The following NEMF variants were observed in gnomAD, a reference collection of about 807,000 sequenced individuals.
The protein encoded by NEMF is nuclear export mediator factor, also known as ribosome quality control complex subunit NEMF.
In NEMF, 89 loss-of-function variants were observed where a neutral mutation model predicts 162.2. The ratio of observed to expected loss-of-function variants is 0.55; its 90% confidence interval spans 0.46 to 0.65. NEMF has a LOEUF of 0.65. NEMF is among the 30% of genes least tolerant of loss of function. The probability of loss-of-function intolerance (pLI) is 0.00; values close to 1 mark genes in which losing one functional copy is unlikely to be tolerated. For synonymous variants in NEMF, 421 were observed against 404.5 expected (o/e 1.04, Z -0.49); for missense variants, 1,133 against 1,261.9 (o/e 0.90, Z 1.55).
chr14:49,816,320 T>C (rs535670802), intron 16 of NEMF, among the ~76,000 whole-genome samples: 2 of 152,340 alleles, frequency 1.3e-5, no homozygotes, highest in Non-Finnish European at 2.9e-5. Context: ...CTTGTGATCT[T>C]TGCTTTTGCC....
At position 49,828,786 on chromosome 14, in the gene NEMF, C is replaced by T; in HGVS notation, c.1254G>A (p.Glu418=). The T allele has an allele frequency of 6.5e-7, 1 of 1,549,144 alleles. No homozygotes were observed. The highest frequency in any genetic ancestry group is 1.2e-5 in the South Asian group (1 of 82,698). The change falls in exon 14 of 33, where the codon GAG becomes GAA. Residue 418 remains glutamate, a synonymous_variant. Coordinates refer to ENST00000298310, the MANE Select transcript of NEMF (RefSeq NM_004713.6). ...MLLRNPYLLS[E]EEDDDVDGDV... is the part of the protein sequence containing the mutation. ...CACCATCAACATCATCATCTTCCTC[C>T]TCTGATAACAAGTATGGATTTCTAT...
At chr14:49,831,912 T>C in intron 10 of NEMF, 139 bp downstream of exon 10, 1 of 603,398 alleles carries the variant, frequency 1.7e-6, no homozygotes, top group Non-Finnish European at 2.9e-6. Flanking sequence ...GCTGTATCTG[T>C]GACGACACTG....
chr14:49,792,790 C>T (rs1027117166), intron 26 of NEMF, among the ~76,000 whole-genome samples: 2 of 151,936 alleles, frequency 1.3e-5, no homozygotes, highest in Non-Finnish European at 2.9e-5. Context: ...CCAGCCTGGG[C>T]AAATAGGAAG....
At chr14:49,842,510 C>T (rs555694075) in intron 4 of NEMF, among the ~76,000 whole-genome samples, 6 of 152,252 alleles carry the variant, frequency 3.9e-5, no homozygotes, top group African/African-American at 1.4e-4. Context: ...AGTTACTCTA[C>T]AGGTATAATT....
intron 22 of NEMF, 111 bp downstream of exon 22, chr14:49,802,342 G>T (rs1214213587): frequency 9.5e-6 from 12 of 1,264,908 alleles, no homozygotes; most frequent in East Asian, 2.4e-5. Context: ...GGTTTTCGGG[G>T]TTTTTTTGAA....
chr14:49,842,822 C>A (rs535379408), intron 4 of NEMF, among the ~76,000 whole-genome samples: 1 of 152,048 alleles, frequency 6.6e-6, no homozygotes, highest in Non-Finnish European at 1.5e-5. Context: ...GACTGGCCAA[C>A]ATGGTGAATC....
intron 32 of NEMF, 36 bp downstream of exon 32, chr14:49,784,889 C>CA (rs1425265682): frequency 6.5e-7 from 1 of 1,545,192 alleles, no homozygotes; most frequent in Non-Finnish European, 8.9e-7. Context: ...ATTGTACTGT[C>CA]AGTCTCCACA....
chr14:49,818,781 C>T lies in NEMF; in HGVS notation c.1578-3924G>A, dbSNP rs75462084. Among the ~76,000 whole-genome samples the T allele has an allele frequency of 4.7e-3, 708 of 152,074 alleles. 3 individuals are homozygous for T. Among genetic ancestry groups the T allele is most frequent in the African/African-American group, 0.016 (677 of 41,496 alleles). ...CAGCCTATTATTTCCACTGGGCTCC[C>T]CAAATGCTGCAGCAGCCAGGTCTTC... On this transcript the variant is annotated intron_variant, in intron 16 of 32. Coordinates refer to ENST00000298310, the MANE Select transcript of NEMF (RefSeq NM_004713.6).
chr14:49,795,005 A>C (rs1251109854), intron 26 of NEMF, among the ~76,000 whole-genome samples: 1 of 152,014 alleles, frequency 6.6e-6, no homozygotes, highest in Non-Finnish European at 1.5e-5. Context: ...CGCATGAGCC[A>C]CTGTGCCTGG....
At chr14:49,810,642 G>A (rs1018577824) in intron 18 of NEMF, among the ~76,000 whole-genome samples, 4 of 151,992 alleles carry the variant, frequency 2.6e-5, no homozygotes, top group Non-Finnish European at 5.9e-5. Context: ...GAGTCTCCTT[G>A]CATTACCACA....
chr14:49,852,491 A>C (rs142635509), intron 1 of NEMF, among the ~76,000 whole-genome samples: 1,829 of 152,320 alleles, frequency 0.012, 17 homozygotes, highest in South Asian at 0.018. Context: ...GACGCGGGGG[A>C]TGGGGCACGA....
intron 14 of NEMF, 120 bp downstream of exon 14, chr14:49,828,496 T>C: frequency 3.0e-6 from 3 of 1,007,572 alleles, no homozygotes; most frequent in Non-Finnish European, 4.4e-6. Context: ...TTTAAAAAAG[T>C]ATTTTCACCC....
At chr14:49,811,265 G>A (rs1323890780) in intron 18 of NEMF, among the ~76,000 whole-genome samples, 1 of 152,132 alleles carries the variant, frequency 6.6e-6, no homozygotes, top group Non-Finnish European at 1.5e-5. Context: ...CACTGGTAGT[G>A]TACAGAAATA....
In NEMF at chr14:49,800,460, G is replaced by C; in HGVS notation, c.2332C>G (p.Pro778Ala). The change falls in exon 23 of 33, where the codon CCT becomes GCT. Residue 778 changes from proline to alanine, a missense_variant. Physicochemically the swap from Pro to Ala is conservative, Grantham distance 27. This residue lies in a region of NEMF where 532 missense variants were observed against 578.6 expected (regional missense o/e 0.92). Transcript: ENST00000298310. ...KDEGEETLNYPDTTIDLSHLQ... is the reference protein window; with the variant it reads ...KDEGEETLNYADTTIDLSHLQ... ...TGAGACAAGTCAATGGTAGTATCAG[G>C]ATAATTTAATGTCTCTTCCCCTTCA... 1 of 1,613,720 alleles carries C rather than the reference G, an allele frequency of 6.2e-7. No individual in the cohort carries two copies. The highest frequency in any genetic ancestry group is 8.5e-7 in the Non-Finnish European group (1 of 1,179,746).
At chr14:49,849,906 A>G (rs1282127833) in intron 3 of NEMF, among the ~76,000 whole-genome samples, 1 of 152,184 alleles carries the variant, frequency 6.6e-6, no homozygotes, top group Non-Finnish European at 1.5e-5. Context: ...ATTTTGTGAA[A>G]GCCCTTGTGA....
At position 49,784,374 on chromosome 14, in the gene NEMF, C is replaced by G. The variant is rs1290895012; in HGVS notation, c.*262G>C. Reference sequence around the variant, plus strand: ...TACTTGGTATTAACCTCCCAAATTTCAAGAAAATGTAGAATAACTACAGAT... The same window carrying G: ...TACTTGGTATTAACCTCCCAAATTTGAAGAAAATGTAGAATAACTACAGAT... On this transcript the variant is annotated 3_prime_UTR_variant, in exon 33 of 33. Transcript: ENST00000298310. 3.2e-6 allele frequency: 1 copy of G among 315,990 alleles called. No homozygotes were observed. The highest frequency in any genetic ancestry group is 5.8e-6 in the Non-Finnish European group (1 of 173,130). 19.6% of individuals were successfully genotyped at this position (315,990 alleles called of 1,614,324 possible).
chr14:49,808,064 G>T (rs994306495), intron 18 of NEMF, among the ~76,000 whole-genome samples: 1 of 152,034 alleles, frequency 6.6e-6, no homozygotes, highest in East Asian at 1.9e-4. Flanking sequence ...TGAAACTTAG[G>T]AATTCTTTGG....
intron 26 of NEMF, among the ~76,000 whole-genome samples, chr14:49,793,676 T>C (rs542883053): frequency 1.1e-4 from 17 of 152,338 alleles, no homozygotes; most frequent in African/African-American, 3.6e-4. Context: ...TTAAGATTAA[T>C]TGCAGTATTT....
At position 49,782,659 on chromosome 14, in the gene NEMF, C is replaced by G. The variant is rs1031344212; in HGVS notation, c.*1977G>C. ...TGTGTTTCCTAAGACTTAGCACTCT[C>G]GAAAAACTAGGTTTATGGATTATTT... On this transcript the variant is annotated 3_prime_UTR_variant, in exon 33 of 33. Coordinates refer to ENST00000298310, the MANE Select transcript of NEMF (RefSeq NM_004713.6). The G allele has an allele frequency of 2.1e-6, 3 of 1,409,248 alleles. No homozygotes were observed. In the East Asian group the frequency reaches 6.9e-5, roughly 33 times the overall value. The allele number at this position is 1,409,248 out of a possible 1,614,324, so 87.3% of individuals were successfully genotyped here. A position where few individuals can be genotyped will look rare whatever the true frequency, so the allele number is the denominator to read the frequency against.
Sources: allele counts gnomAD v4.1 joint callset (sites outside exome capture counted in the v4.1 genomes callset), GRCh38; gene constraint gnomAD v4.1.1; regional missense constraint gnomAD v4.1.1; transcripts MANE v1.5; gene names NCBI Gene and HGNC (gene_info 2026-07-23, HGNC 2026-07-21).